Variants in MCTP2 observed in about 807,000 individuals in gnomAD.
MCTP2 encodes the protein multiple C2 and transmembrane domain-containing protein 2.
In MCTP2, 132 loss-of-function variants were observed where a neutral mutation model predicts 111.6. That is an observed-to-expected ratio of 1.18 (90% CI 1.03 to 1.37). The LOEUF is 1.37. MCTP2 is among the 40% of genes most tolerant of loss of function. The pLI is 0.00. For missense variants in MCTP2, 1,183 were observed against 1,067.9 expected (o/e 1.11, Z -1.50); for synonymous variants, 395 against 387.7 (o/e 1.02, Z -0.22).
chr15:94,324,458 T>C (rs578038825), intron 4 of MCTP2, among the ~76,000 whole-genome samples: 1 of 152,348 alleles, frequency 6.6e-6, no homozygotes, highest in African/African-American at 2.4e-5. Context: ...TTAATGGAAG[T>C]TCGCTGTCAC....
chr15:94,298,135 C>T, intron 1 of MCTP2, 66 bp from the exon 2 acceptor site: 2 of 662,886 alleles, frequency 3.0e-6, no homozygotes, highest in Non-Finnish European at 4.9e-6. Flanking sequence ...GCCTTACTGC[C>T]ACCAAGAAGG....
At chr15:94,231,417 G>C (rs1596106590), upstream of MCTP2, 1 of 152,478 alleles carries the variant, frequency 6.6e-6, no homozygotes, top group African/African-American at 2.4e-5. Context: ...CCGAGCTCCC[G>C]GCGGCAGCGC....
intron 20 of MCTP2, among the ~76,000 whole-genome samples, chr15:94,469,352 A>G (rs1056389742): frequency 3.3e-5 from 5 of 152,198 alleles, no homozygotes; most frequent in Non-Finnish European, 1.5e-5. Context: ...CTCCATTTCC[A>G]TGCCAGTCAA....
At chr15:94,476,663 G>T in intron 21 of MCTP2, 33 bp from the exon 22 acceptor site, 2 of 1,071,348 alleles carry the variant, frequency 1.9e-6, no homozygotes, top group Non-Finnish European at 2.9e-6. Context: ...CAGACAGACA[G>T]ATAAAGAGAT....
At position 94,245,309 on chromosome 15, in the gene MCTP2, T is replaced by C. The variant is rs1433421740; in HGVS notation, c.-66+13645T>C. Among the ~76,000 whole-genome samples the C allele has an allele frequency of 4.9e-5, 7 of 142,622 alleles. No homozygotes were observed. In the East Asian group the frequency reaches 1.0e-3, roughly 21 times the overall value. 93.6% of individuals were successfully genotyped at this position (142,622 alleles called of 152,430 possible). On this transcript the variant is annotated intron_variant, in intron 1 of 22. Coordinates refer to ENST00000357742, the MANE Select transcript of MCTP2 (RefSeq NM_001385001.1). ...ACATATGTATATATTTATATACATA[T>C]ATGTACATATATTTACATACATATG...
chr15:94,304,567 A>T (rs1364745936), intron 2 of MCTP2, among the ~76,000 whole-genome samples: 4 of 152,236 alleles, frequency 2.6e-5, no homozygotes, highest in Admixed American at 2.6e-4. Flanking sequence ...CTGTTAGGAG[A>T]AATTATTATC....
intron 20 of MCTP2, among the ~76,000 whole-genome samples, chr15:94,469,341 T>A (rs907733439): frequency 1.3e-5 from 2 of 152,150 alleles, no homozygotes; most frequent in Non-Finnish European, 2.9e-5. Context: ...ATCTTCTAGA[T>A]CTCCATTTCC....
At chr15:94,241,123 A>G (rs1162443650) in intron 1 of MCTP2, among the ~76,000 whole-genome samples, 2 of 121,908 alleles carry the variant, frequency 1.6e-5, no homozygotes, top group Non-Finnish European at 1.8e-5. Flanking sequence ...CTTCTGAGAT[A>G]TCTCCTAGGG....
At chr15:94,383,290 G>C (rs74028293) in intron 12 of MCTP2, among the ~76,000 whole-genome samples, 8,984 of 152,176 alleles carry the variant, frequency 0.059, 817 homozygotes, top group African/African-American at 0.2. Flanking sequence ...TCCAGTTATA[G>C]AATAGTAATT....
intron 10 of MCTP2, among the ~76,000 whole-genome samples, chr15:94,360,161 T>C (rs914362595): frequency 1.3e-5 from 2 of 152,166 alleles, no homozygotes; most frequent in African/African-American, 4.8e-5. Context: ...ACCCTCCACA[T>C]CTCTGGTTGC....
chr15:94,472,371 C>T (rs200989737), intron 21 of MCTP2, among the ~76,000 whole-genome samples: 9 of 152,096 alleles, frequency 5.9e-5, no homozygotes, highest in African/African-American at 1.4e-4. Flanking sequence ...AACAAGACTC[C>T]GTCTCAAAAT....
Position 94,345,149 on chromosome 15 carries a change from A to T in MCTP2, c.990A>T (p.Arg330=). 1.9e-6 allele frequency: 3 copies of T among 1,612,718 alleles called. No homozygotes were observed. The highest frequency in any genetic ancestry group is 1.7e-4 in the Middle Eastern group (1 of 6,046). ...TTTAGCGTTGGTCAAATCGGAAGCG[A>T]TTAAGTGCCAGCAAGGTAAATATAC... ...FKRHRWSNRK[R]LSASKSSLIR... Residue 330 remains arginine, a synonymous_variant, in exon 8 of 23, where the codon CGA becomes CGT. Transcript: ENST00000357742.
At chr15:94,407,662 T>C (rs914409347) in intron 17 of MCTP2, among the ~76,000 whole-genome samples, 2 of 152,070 alleles carry the variant, frequency 1.3e-5, no homozygotes, top group Non-Finnish European at 2.9e-5. Flanking sequence ...TATATAGAAT[T>C]TTTAGCTTTT....
chr15:94,412,440 C>T (rs544490608), intron 17 of MCTP2, among the ~76,000 whole-genome samples: 5 of 152,128 alleles, frequency 3.3e-5, no homozygotes, highest in Non-Finnish European at 5.9e-5. Flanking sequence ...CTGACTCTTC[C>T]GTTGGAACAG....
chr15:94,358,706 C>T, intron 10 of MCTP2, 94 bp downstream of exon 10: 1 of 1,414,908 alleles, frequency 7.1e-7, no homozygotes, highest in East Asian at 2.4e-5. Flanking sequence ...GAGGGCACTA[C>T]CTTGCATCCC....
chr15:94,282,342 A>G (rs1287536280), intron 1 of MCTP2, among the ~76,000 whole-genome samples: 1 of 152,302 alleles, frequency 6.6e-6, no homozygotes, highest in East Asian at 1.9e-4. Flanking sequence ...TTCTGTTAGT[A>G]ATGCTTCCAA....
intron 1 of MCTP2, among the ~76,000 whole-genome samples, chr15:94,244,276 ATATATACACATACATATGTGTATATATT>A (rs1567258191): frequency 1.5e-5 from 2 of 132,588 alleles, no homozygotes; most frequent in African/African-American, 5.5e-5. Flanking sequence ...ATATACACAC[ATATATACACATACATATGTGTATATATT>A]TATATACACA....
intron 1 of MCTP2, among the ~76,000 whole-genome samples, chr15:94,267,797 T>C (rs2073632283): frequency 6.6e-6 from 1 of 151,786 alleles, no homozygotes; most frequent in Non-Finnish European, 1.5e-5. Flanking sequence ...TGCTTACTTT[T>C]AGCCATTCTA....
At chr15:94,238,390 T>TGTAG (rs2070711732) in intron 1 of MCTP2, among the ~76,000 whole-genome samples, 1 of 152,114 alleles carries the variant, frequency 6.6e-6, no homozygotes, top group African/African-American at 2.4e-5. Context: ...TTGTATATTG[T>TGTAG]GTAGATTGGC....
Sources: allele counts gnomAD v4.1 joint callset (sites outside exome capture counted in the v4.1 genomes callset), GRCh38; gene constraint gnomAD v4.1.1; transcripts MANE v1.5; gene names NCBI Gene and HGNC (gene_info 2026-07-23, HGNC 2026-07-21).